PXMP2: variants seen among roughly 807,000 people sequenced by gnomAD.
PXMP2 encodes peroxisomal membrane protein 2.
Under a neutral mutation model 20.2 loss-of-function variants are expected in PXMP2, and 13 were observed. That is an observed-to-expected ratio of 0.64 (90% CI 0.42 to 1.02). The LOEUF (loss-of-function observed/expected upper bound fraction) is 1.02. Ranked by LOEUF, PXMP2 falls within the 50% of genes least tolerant of loss-of-function variation. The pLI is 0.00. For synonymous variants in PXMP2, 113 were observed against 111.2 expected (o/e 1.02, Z -0.10); for missense variants, 284 against 251.8 (o/e 1.13, Z -0.87).
At chr12:132,694,918 A>C (rs1289881345) in intron 2 of PXMP2, among the ~76,000 whole-genome samples, 45 of 137,490 alleles carry the variant, frequency 3.3e-4, no homozygotes, top group Middle Eastern at 5.2e-3. Flanking sequence ...CGCCCTTGCC[A>C]GTCAGTTAGT....
intron 3 of PXMP2, among the ~76,000 whole-genome samples, chr12:132,697,393 T>TTTTATTTATTTA (rs139781321): frequency 5.1e-4 from 77 of 150,138 alleles, no homozygotes; most frequent in South Asian, 2.5e-3. Flanking sequence ...TGTAGTCCTA[T>TTTTATTTATTTA]TTTATTTATT....
chr12:132,690,431 T>G (rs1481160551), intron 2 of PXMP2, 55 bp downstream of exon 2: 1 of 1,383,718 alleles, frequency 7.2e-7, no homozygotes, highest in Non-Finnish European at 1.0e-6. Context: ...GCAACCAAGC[T>G]GGGCACCAAA....
Position 132,696,974 on chromosome 12 carries a change from C to CA in PXMP2, c.399+938dup, listed in dbSNP as rs111924440. Among the ~76,000 whole-genome samples, 305 of 139,614 alleles carry CA rather than the reference C, an allele frequency of 2.2e-3. 1 individual carries two copies. The highest frequency in any genetic ancestry group is 6.9e-3 in the African/African-American group (261 of 37,832). 91.6% of individuals were successfully genotyped at this position (139,614 alleles called of 152,430 possible). ...TGGGCAACAGAGCAAGACTCTGCCT[C>CA]AAAAAAAAAAGAAAAAAGAAAAAAG... On this transcript the variant is annotated intron_variant, in intron 3 of 4. Transcript: ENST00000317479. The surrounding 1 kb of genome is among the most constrained non-coding windows in gnomAD (Gnocchi z 4.4).
intron 2 of PXMP2, among the ~76,000 whole-genome samples, chr12:132,692,491 T>G (rs35320684): frequency 2.7e-5 from 2 of 74,730 alleles, no homozygotes; most frequent in African/African-American, 8.9e-5. Flanking sequence ...ATTAGTGAGC[T>G]CCCTTAGCCA....
chr12:132,703,888 TGA>T (rs140068772), intron 4 of PXMP2, among the ~76,000 whole-genome samples: 11,673 of 151,860 alleles, frequency 0.077, 586 homozygotes, highest in Non-Finnish European at 0.11. Context: ...CAGAGACAAC[TGA>T]GAAGACAGAC....
intron 3 of PXMP2, among the ~76,000 whole-genome samples, chr12:132,697,614 G>A (rs1439453509): frequency 6.6e-6 from 1 of 151,962 alleles, no homozygotes; most frequent in African/African-American, 2.4e-5. Flanking sequence ...CACCATGTTG[G>A]CCAGGCTTGT....
rs568926374 is a variant in PXMP2 at position 132,699,505 on chromosome 12, G to A, written c.400-1745G>A. On this transcript the variant is annotated intron_variant, in intron 3 of 4. Transcript: ENST00000317479. ...TGGGATAATGGCCCCCGGTTCAATC[G>A]ACGTCACTGCAAAAGACATGCTTTT... 6.0e-5 allele frequency among the ~76,000 whole-genome samples: 9 copies of A among 149,636 alleles called. 1 individual carries two copies. In the South Asian group the frequency reaches 1.1e-3, roughly 18 times the overall value.
intron 4 of PXMP2, 48 bp downstream of exon 4, chr12:132,701,417 T>C: frequency 6.3e-7 from 1 of 1,585,956 alleles, no homozygotes; most frequent in Non-Finnish European, 8.6e-7. Context: ...TTGTCAGCCT[T>C]TTCCTTCCTT....
chr12:132,701,300 G>A lies in PXMP2; in HGVS notation c.450G>A (p.Pro150=), dbSNP rs139134478. The A allele has an allele frequency of 1.2e-4, 196 of 1,612,606 alleles. No homozygotes were observed. The highest frequency in any genetic ancestry group is 6.4e-4 in the African/African-American group (48 of 74,886). ...FAAKMRGGFW[P]ALRMNWRVWT... The stretch of plus-strand genomic sequence containing the variant: ...CCAAGATGAGGGGGGGCTTCTGGCC[G>A]GCGCTGAGGATGAACTGGCGGGTGT... Residue 150 remains proline, a synonymous_variant, in exon 4 of 5, where the codon CCG becomes CCA. Transcript: ENST00000317479.
intron 4 of PXMP2, 139 bp downstream of exon 4, chr12:132,701,508 T>TAGTTTCATCCGTGTCTAGACTC: frequency 8.2e-7 from 1 of 1,219,278 alleles, no homozygotes; most frequent in Admixed American, 2.5e-5. Flanking sequence ...CCGCTAGACT[T>TAGTTTCATCCGTGTCTAGACTC]AGTTTCATCC....
chr12:132,700,332 C>T (rs2043432137), intron 3 of PXMP2, among the ~76,000 whole-genome samples: 1 of 152,104 alleles, frequency 6.6e-6, no homozygotes, highest in African/African-American at 2.4e-5. Context: ...CGGTCATGAG[C>T]CACCGCGCCT....
intron 2 of PXMP2, among the ~76,000 whole-genome samples, chr12:132,695,049 TAGTG>T (rs1181318192): frequency 6.7e-6 from 1 of 148,642 alleles, no homozygotes; most frequent in African/African-American, 2.5e-5. Context: ...GCCAGTTAGT[TAGTG>T]AGTGCCCTTG....
intron 3 of PXMP2, among the ~76,000 whole-genome samples, chr12:132,699,417 T>G (rs1320645148): frequency 6.6e-6 from 1 of 151,786 alleles, no homozygotes; most frequent in African/African-American, 2.4e-5. Context: ...GGCGAGACCC[T>G]GTCTTGGAAA....
intron 3 of PXMP2, among the ~76,000 whole-genome samples, chr12:132,699,526 CTTTTTTTTTTTTTT>C (rs67730658): frequency 6.0e-5 from 6 of 100,522 alleles, no homozygotes; most frequent in African/African-American, 1.6e-4. Context: ...AAAAGACATG[CTTTTTTTTTTTTTT>C]TTTTTTTTGA....
At chr12:132,699,496 G>A (rs988971162) in intron 3 of PXMP2, among the ~76,000 whole-genome samples, 7 of 150,812 alleles carry the variant, frequency 4.6e-5, no homozygotes, top group Non-Finnish European at 8.8e-5. Context: ...AATGGCCCCC[G>A]GTTCAATCGA....
intron 3 of PXMP2, among the ~76,000 whole-genome samples, chr12:132,699,139 T>C (rs1382966792): frequency 2.0e-5 from 3 of 152,140 alleles, no homozygotes; most frequent in African/African-American, 7.2e-5. Flanking sequence ...TTGGTCCATG[T>C]ATACCCACTG....
rs970364144 is a variant in PXMP2 at position 132,696,991 on chromosome 12, A to G, written c.399+945A>G. Among the ~76,000 whole-genome samples the G allele has an allele frequency of 1.3e-5, 2 of 149,888 alleles. No homozygotes were observed. Among genetic ancestry groups the G allele is most frequent in the South Asian group, 2.1e-4 (1 of 4,720 alleles). ...CTCTGCCTCAAAAAAAAAAGAAAAAAGAAAAAAGAAACAGGGCCGGGCATG... is the reference window on the plus strand; with the variant it reads ...CTCTGCCTCAAAAAAAAAAGAAAAAGGAAAAAAGAAACAGGGCCGGGCATG... On this transcript the variant is annotated intron_variant, in intron 3 of 4. Transcript: ENST00000317479. The surrounding 1 kb of genome is among the most constrained non-coding windows in gnomAD (Gnocchi z 4.4).
At chr12:132,690,946 A>G (rs960256945) in intron 2 of PXMP2, among the ~76,000 whole-genome samples, 5 of 152,194 alleles carry the variant, frequency 3.3e-5, no homozygotes, top group African/African-American at 9.7e-5. Context: ...AACTTAACCT[A>G]AAGTCAGACT....
At chr12:132,695,274 A>G (rs561793383) in intron 2 of PXMP2, among the ~76,000 whole-genome samples, 1 of 151,206 alleles carries the variant, frequency 6.6e-6, no homozygotes, top group Admixed American at 6.6e-5. Context: ...TGCCCTTGCC[A>G]GTTAGTTAGC....
Sources: allele counts gnomAD v4.1 joint callset (sites outside exome capture counted in the v4.1 genomes callset), GRCh38; gene constraint gnomAD v4.1.1; non-coding constraint Gnocchi (gnomAD v3.1); transcripts MANE v1.5; gene names NCBI Gene and HGNC (gene_info 2026-07-23, HGNC 2026-07-21).